DEF6: variants seen among roughly 807,000 people sequenced by gnomAD.
The protein encoded by DEF6 is differentially expressed in FDCP 6 homolog.
Under a neutral mutation model 80.5 loss-of-function variants are expected in DEF6, and 32 were observed. That is an observed-to-expected ratio of 0.40 (90% confidence interval 0.30 to 0.53). The LOEUF (loss-of-function observed/expected upper bound fraction) is 0.53. Ranked by LOEUF, DEF6 falls within the 20% of genes least tolerant of loss-of-function variation. The probability of loss-of-function intolerance (pLI) is 0.57; values close to 1 mark genes in which losing one functional copy is unlikely to be tolerated. For synonymous variants in DEF6, 300 were observed against 337.9 expected (o/e 0.89, Z 1.23); for missense variants, 575 against 818.7 (o/e 0.70, Z 3.63).
At chr6:35,313,563 G>T (rs1317928431) in intron 5 of DEF6, among the ~76,000 whole-genome samples, 3 of 152,010 alleles carry the variant, frequency 2.0e-5, no homozygotes, top group Non-Finnish European at 2.9e-5. Flanking sequence ...TATTTTTCCT[G>T]TCAAACTGTA....
chr6:35,298,688 T>C (rs918571602), intron 1 of DEF6, among the ~76,000 whole-genome samples: 1 of 152,186 alleles, frequency 6.6e-6, no homozygotes, highest in African/African-American at 2.4e-5. Context: ...TTTCTCTCTC[T>C]TCCTCTAGTC....
chr6:35,317,573 T>G, intron 5 of DEF6: 2 of 219,538 alleles, frequency 9.1e-6, no homozygotes. Context: ...TGAGTTGTCA[T>G]GGATAGTGAG....
chr6:35,300,517 G>A (rs1791300797), intron 1 of DEF6, among the ~76,000 whole-genome samples: 2 of 152,206 alleles, frequency 1.3e-5, no homozygotes, highest in Admixed American at 6.5e-5. Context: ...AGAACAGCAC[G>A]TCCTCTGAGA....
Position 35,318,095 on chromosome 6 carries a change from A to G in DEF6, c.917-78A>G, listed in dbSNP as rs1791543679. ...TACTTTGTCCAGCGGGAGGTTGGAGAGTGGACTCGGGAAACTCCTAAGGCC... is the reference window on the plus strand; with the variant it reads ...TACTTTGTCCAGCGGGAGGTTGGAGGGTGGACTCGGGAAACTCCTAAGGCC... On this transcript the variant is annotated intron_variant, in intron 6 of 10. Transcript: ENST00000316637. The surrounding 1 kb of genome is among the most constrained non-coding windows in gnomAD (Gnocchi z 5.1). 4 of 1,541,322 alleles carry G rather than the reference A, an allele frequency of 2.6e-6. No homozygotes were observed. The South Asian group carries it at 4.9e-5, about 19-fold the overall frequency.
chr6:35,300,613 G>A (rs746083362), intron 1 of DEF6, among the ~76,000 whole-genome samples: 1 of 152,218 alleles, frequency 6.6e-6, no homozygotes, highest in African/African-American at 2.4e-5. Flanking sequence ...TTGAATTCTT[G>A]TAGAAAGTAC....
At chr6:35,317,499 AG>A (rs1791535994) in intron 5 of DEF6, 1 of 161,908 alleles carries the variant, frequency 6.2e-6, no homozygotes. Context: ...GGCACTCAGT[AG>A]GCACTCCAAA....
chr6:35,316,253 C>T (rs1791524873), intron 5 of DEF6: 1 of 152,204 alleles, frequency 6.6e-6, no homozygotes, highest in South Asian at 2.1e-4. Flanking sequence ...AATCCAACCA[C>T]CTCAGCTTCC....
intron 5 of DEF6, 130 bp from the exon 6 acceptor site, chr6:35,317,761 C>T: frequency 1.5e-6 from 1 of 679,820 alleles, no homozygotes. Context: ...GCCATGCAGG[C>T]TCCTGGCAGA....
rs1466132336 is a variant in DEF6 at position 35,318,408 on chromosome 6, G to A, written c.1152G>A (p.Arg384=). The A allele has an allele frequency of 6.5e-7, 1 of 1,527,322 alleles. No homozygotes were observed. The highest frequency in any genetic ancestry group is 1.2e-5 in the South Asian group (1 of 83,316). 94.6% of individuals were successfully genotyped at this position (1,527,322 alleles called of 1,614,324 possible). A position where few individuals can be genotyped will look rare whatever the true frequency, so the allele number is the denominator to read the frequency against. The change falls in exon 7 of 11, where the codon CGG becomes CGA. Residue 384 remains arginine (R), a synonymous_variant. Transcript: ENST00000316637. The surrounding 1 kb of genome is among the most constrained non-coding windows in gnomAD (Gnocchi z 5.1). ...AERLLQEEEE[R]RRSQHRELQQ... is the part of the protein sequence containing the mutation. The stretch of plus-strand genomic sequence containing the variant: ...GGCTGCTGCAGGAGGAGGAGGAACG[G>A]CGCCGCAGCCAGCACCGCGAGCTGC...
intron 5 of DEF6, among the ~76,000 whole-genome samples, chr6:35,314,938 AT>A (rs374696573): frequency 6.6e-6 from 1 of 152,020 alleles, no homozygotes; most frequent in African/African-American, 2.4e-5. Flanking sequence ...TTTTTATTTG[AT>A]TTTTTTATAT....
chr6:35,316,906 T>G (rs1791530864), intron 5 of DEF6, among the ~76,000 whole-genome samples: 1 of 152,230 alleles, frequency 6.6e-6, no homozygotes, highest in Non-Finnish European at 1.5e-5. Context: ...GTATCCTCTA[T>G]TCTGCTTTCT....
chr6:35,315,911 T>C (rs1446507135), intron 5 of DEF6, among the ~76,000 whole-genome samples: 1 of 141,452 alleles, frequency 7.1e-6, no homozygotes, highest in Non-Finnish European at 1.5e-5. Flanking sequence ...CAGGCTGGAG[T>C]GCAATGGCAC....
Position 35,320,028 on chromosome 6 carries a change from G to T in DEF6, c.1581+11G>T, listed in dbSNP as rs1350722046. 5.1e-6 allele frequency: 8 copies of T among 1,554,040 alleles called. No individual in the cohort carries two copies. Among genetic ancestry groups the T allele is most frequent in the Non-Finnish European group, 7.0e-6 (8 of 1,148,434 alleles). On this transcript the variant is annotated intron_variant, in intron 9 of 10. Transcript: ENST00000316637. ...GACGAGGATGTGGAGGTGAGGCCTG[G>T]GGTGGGATGGGGTGGAGGCTGGCAG...
chr6:35,303,449 T>G (rs754335504), intron 1 of DEF6, among the ~76,000 whole-genome samples: 10 of 152,178 alleles, frequency 6.6e-5, no homozygotes, highest in Non-Finnish European at 1.0e-4. Context: ...TTTGTCTGCT[T>G]CTTCCCATGA....
In DEF6 at chr6:35,309,880, C is replaced by G. The variant is rs2150386790; in HGVS notation, c.237+70C>G. On this transcript the variant is annotated intron_variant, in intron 2 of 10. Coordinates refer to ENST00000316637, the MANE Select transcript of DEF6 (RefSeq NM_022047.4). ...TTCCAGCCTGGCCAGCAGCCTAATA[C>G]CTTGCCACTCCAACTCTTCGCCCCT... The G allele has an allele frequency of 1.9e-6, 3 of 1,560,074 alleles. No homozygotes were observed. In the African/African-American group the frequency reaches 4.1e-5, roughly 21 times the overall value.
chr6:35,310,086 A>G (rs1306656356), intron 2 of DEF6, among the ~76,000 whole-genome samples: 1 of 150,348 alleles, frequency 6.7e-6, no homozygotes, highest in Non-Finnish European at 1.5e-5. Flanking sequence ...GCCCTCCTCC[A>G]GCTTCCAGGG....
chr6:35,319,336 T>A lies in DEF6; in HGVS notation c.1216-188T>A, dbSNP rs754864516. Among the ~76,000 whole-genome samples, 43 of 152,072 alleles carry A rather than the reference T, an allele frequency of 2.8e-4. No individual in the cohort carries two copies. The highest frequency in any genetic ancestry group is 4.7e-4 in the Non-Finnish European group (32 of 67,994). On this transcript the variant is annotated intron_variant, in intron 7 of 10. Coordinates refer to ENST00000316637, the MANE Select transcript of DEF6 (RefSeq NM_022047.4). The surrounding 1 kb of genome is among the most constrained non-coding windows in gnomAD (Gnocchi z 4.5). ...TTGAGCCCGTTTCCCCCACGTGGCATCTGTTCACCGACCATTATCTGTTCC... is the reference window on the plus strand; with the variant it reads ...TTGAGCCCGTTTCCCCCACGTGGCAACTGTTCACCGACCATTATCTGTTCC...
In DEF6 at chr6:35,309,813, G is replaced by A. The variant is rs1433133756; in HGVS notation, c.237+3G>A. ...TCAACAAGTACATCCTGGACAAGGT[G>A]GGGCCCAGCTTGTAGGGAGCATCTG... On this transcript the variant is annotated splice_donor_region_variant and intron_variant, in intron 2 of 10. Transcript: ENST00000316637. 1.9e-6 allele frequency: 3 copies of A among 1,613,704 alleles called. No homozygotes were observed. Among genetic ancestry groups the A allele is most frequent in the Middle Eastern group, 1.6e-4 (1 of 6,084 alleles).
intron 1 of DEF6, among the ~76,000 whole-genome samples, chr6:35,304,874 C>T (rs745538824): frequency 2.0e-5 from 3 of 151,454 alleles, no homozygotes; most frequent in Non-Finnish European, 4.4e-5. Flanking sequence ...CTTTTTCATC[C>T]CTATTGTTTT....
Sources: gnomAD v4.1 joint callset for allele counts (sites outside exome capture counted in the v4.1 genomes callset) on GRCh38, gnomAD v4.1.1 for gene constraint, Gnocchi (gnomAD v3.1) non-coding constraint, MANE v1.5 for transcripts, NCBI Gene and HGNC (gene_info 2026-07-23, HGNC 2026-07-21) for gene names.